Variants in ALK observed in about 807,000 individuals in gnomAD.
ALK encodes the protein ALK tyrosine kinase receptor.
ALK carries 74 observed loss-of-function variants against 163.1 expected under a neutral mutation model. The ratio of observed to expected loss-of-function variants is 0.45; its 90% CI spans 0.38 to 0.55. ALK has a LOEUF of 0.55. Among genes scored for constraint, ALK ranks in the 20% least tolerant of loss-of-function variants. The pLI is 0.00. For missense variants in ALK, 2,063 were observed against 2,105.3 expected (o/e 0.98, Z 0.39); for synonymous variants, 960 against 843.2 (o/e 1.14, Z -2.40).
At chr2:29,755,846 G>T (rs563981169) in intron 1 of ALK, among the ~76,000 whole-genome samples, 29 of 152,138 alleles carry the variant, frequency 1.9e-4, no homozygotes, top group Non-Finnish European at 3.8e-4. Context: ...TCAAGCACCT[G>T]TGCCGCATCA....
intron 3 of ALK, among the ~76,000 whole-genome samples, chr2:29,684,623 C>T (rs1310100434): frequency 6.6e-6 from 1 of 152,312 alleles, no homozygotes; most frequent in East Asian, 1.9e-4. Context: ...CACGGCACTT[C>T]CAGACACCCC....
chr2:29,644,162 A>C (rs1156783738), intron 3 of ALK, among the ~76,000 whole-genome samples: 1 of 148,214 alleles, frequency 6.7e-6, no homozygotes, highest in Non-Finnish European at 1.5e-5. Context: ...AAAACCAAAC[A>C]CCGCATATTC....
chr2:29,209,273 G>A (rs564142435), intron 25 of ALK, among the ~76,000 whole-genome samples: 69 of 152,240 alleles, frequency 4.5e-4, no homozygotes, highest in African/African-American at 1.6e-3. Flanking sequence ...GGGCATGGAG[G>A]CTCACACCTG....
At chr2:29,895,170 G>C (rs1281490709) in intron 1 of ALK, among the ~76,000 whole-genome samples, 1 of 152,176 alleles carries the variant, frequency 6.6e-6, no homozygotes, top group Non-Finnish European at 1.5e-5. Flanking sequence ...TTACACACAA[G>C]GGCCGCTGGT....
chr2:29,571,668 G>A (rs1240373659), intron 3 of ALK, among the ~76,000 whole-genome samples: 1 of 130,442 alleles, frequency 7.7e-6, no homozygotes, highest in African/African-American at 3.0e-5. Flanking sequence ...CCAGGCTAGA[G>A]TGCAGTGGCA....
At chr2:29,742,073 G>C (rs1164982871) in intron 1 of ALK, among the ~76,000 whole-genome samples, 1 of 152,254 alleles carries the variant, frequency 6.6e-6, no homozygotes, top group African/African-American at 2.4e-5. Context: ...GGGAATGGGG[G>C]CCATTTCCAA....
chr2:29,673,050 T>G (rs1351406737), intron 3 of ALK, among the ~76,000 whole-genome samples: 1 of 133,514 alleles, frequency 7.5e-6, no homozygotes. Flanking sequence ...TAAATTTGTT[T>G]GAGTTCATTG....
chr2:29,858,651 G>A (rs1666205972), intron 1 of ALK, among the ~76,000 whole-genome samples: 1 of 152,178 alleles, frequency 6.6e-6, no homozygotes, highest in African/African-American at 2.4e-5. Flanking sequence ...GCTGAGGCAG[G>A]AGACTTGCTT....
At position 29,728,753 on chromosome 2, in the gene ALK, C is replaced by T. The variant is rs537239945; in HGVS notation, c.668-11056G>A. Among the ~76,000 whole-genome samples, 4 of 152,234 alleles carry T rather than the reference C, an allele frequency of 2.6e-5. No homozygotes were observed. The South Asian group carries it at 8.3e-4, about 32-fold the overall frequency. On this transcript the variant is annotated intron_variant, in intron 1 of 28. Transcript: ENST00000389048. ...AGTCTCTCAGAACGGAGCGCCAGCT[C>T]CTTATTTGCCACCAAGAAAAGTGAG...
intron 24 of ALK, 109 bp downstream of exon 24, chr2:29,213,875 G>T: frequency 1.1e-6 from 1 of 926,418 alleles, no homozygotes; most frequent in Non-Finnish European, 1.8e-6. Context: ...GCTCTGGAGG[G>T]AGACCTAGTA....
chr2:29,656,277 T>C (rs1402387474), intron 3 of ALK, among the ~76,000 whole-genome samples: 6 of 152,162 alleles, frequency 3.9e-5, no homozygotes, highest in Admixed American at 3.3e-4. Context: ...ATTGGAATGG[T>C]AGAGGGACTG....
intron 4 of ALK, among the ~76,000 whole-genome samples, chr2:29,472,545 G>A (rs1472277381): frequency 6.6e-6 from 1 of 152,078 alleles, no homozygotes; most frequent in Non-Finnish European, 1.5e-5. Flanking sequence ...GAGGCTCCCT[G>A]TTACCACTTC....
At chr2:29,741,554 A>C (rs1442634208) in intron 1 of ALK, among the ~76,000 whole-genome samples, 3 of 152,194 alleles carry the variant, frequency 2.0e-5, no homozygotes, top group Non-Finnish European at 4.4e-5. Flanking sequence ...TCACAAAAAC[A>C]ATCTGGAATA....
At chr2:29,465,280 A>G (rs1671182672) in intron 4 of ALK, among the ~76,000 whole-genome samples, 1 of 152,240 alleles carries the variant, frequency 6.6e-6, no homozygotes, top group African/African-American at 2.4e-5. Flanking sequence ...CAATATCTTT[A>G]AAGTGTTAAA....
At chr2:29,536,654 G>A (rs550519831) in intron 3 of ALK, among the ~76,000 whole-genome samples, 12 of 152,154 alleles carry the variant, frequency 7.9e-5, no homozygotes, top group Non-Finnish European at 1.6e-4. Context: ...ACTGAGTAAC[G>A]GGCAGGGGTT....
chr2:29,238,905 C>A (rs1664450637), intron 13 of ALK, among the ~76,000 whole-genome samples: 1 of 152,232 alleles, frequency 6.6e-6, no homozygotes, highest in African/African-American at 2.4e-5. Context: ...TAACTGATTA[C>A]AGTCCAATCA....
intron 1 of ALK, among the ~76,000 whole-genome samples, chr2:29,856,701 T>A (rs1274277422): frequency 1.3e-5 from 2 of 152,066 alleles, no homozygotes; most frequent in Non-Finnish European, 1.5e-5. Flanking sequence ...AAGGGATGAG[T>A]GGGTGCATCA....
intron 4 of ALK, among the ~76,000 whole-genome samples, chr2:29,391,561 A>AC (rs1421570945): frequency 6.6e-6 from 1 of 152,088 alleles, no homozygotes; most frequent in Non-Finnish European, 1.5e-5. Context: ...TTGGCCTCCC[A>AC]AAGTGCCTCC....
rs141439777 is a variant in ALK at position 29,389,149 on chromosome 2, G to A, written c.1155-5290C>T. Reference sequence around the variant, plus strand: ...AAAGTATTGGATGCTCTAGGGATGCGAAGTGTTTAGGATGTAGCCTTGTTC... The same window carrying A: ...AAAGTATTGGATGCTCTAGGGATGCAAAGTGTTTAGGATGTAGCCTTGTTC... On this transcript the variant is annotated intron_variant, in intron 4 of 28. Coordinates refer to ENST00000389048, the MANE Select transcript of ALK (RefSeq NM_004304.5). Among the ~76,000 whole-genome samples the A allele has an allele frequency of 3.9e-5, 6 of 152,324 alleles. No individual in the cohort carries two copies. In the East Asian group the frequency reaches 7.7e-4, roughly 20 times the overall value.
Sources: gnomAD v4.1 joint callset for allele counts (sites outside exome capture counted in the v4.1 genomes callset) on GRCh38, gnomAD v4.1.1 for gene constraint, MANE v1.5 for transcripts, NCBI Gene and HGNC (gene_info 2026-07-23, HGNC 2026-07-21) for gene names.